Variants in GABBR2 observed in about 807,000 individuals in gnomAD.
GABBR2 encodes G-protein coupled receptor 51.
A neutral mutation model predicts 105.6 loss-of-function variants in GABBR2; 23 were observed. The observed-to-expected ratio is 0.22, with a 90% confidence interval of 0.16 to 0.31. GABBR2 has a LOEUF of 0.31. Among genes scored for constraint, GABBR2 ranks in the 10% least tolerant of loss-of-function variants. GABBR2 has a pLI of 1.00. For synonymous variants in GABBR2, 478 were observed against 499.7 expected, an observed-to-expected ratio of 0.96 and a Z score of 0.58; for missense variants, 734 against 1,245.5, an observed-to-expected ratio of 0.59 and a Z score of 6.18.
intron 1 of GABBR2, among the ~76,000 whole-genome samples, chr9:98,590,092 G>T (rs954176369): frequency 6.6e-6 from 1 of 152,182 alleles, no homozygotes; most frequent in Non-Finnish European, 1.5e-5. Flanking sequence ...CCCCAAACAG[G>T]TGTTTAATAC....
chr9:98,671,904 CAG>C (rs1830412525), intron 1 of GABBR2, among the ~76,000 whole-genome samples: 2 of 152,070 alleles, frequency 1.3e-5, no homozygotes, highest in Non-Finnish European at 2.9e-5. Context: ...TGGTAAAAAG[CAG>C]AGAGTTGGAG....
chr9:98,442,163 G>C (rs892774701), intron 7 of GABBR2, among the ~76,000 whole-genome samples: 5 of 152,266 alleles, frequency 3.3e-5, no homozygotes, highest in African/African-American at 7.2e-5. Flanking sequence ...CTCCCGATCA[G>C]GGGAAAGGTG....
intron 11 of GABBR2, among the ~76,000 whole-genome samples, chr9:98,375,750 C>T (rs181962035): frequency 6.6e-6 from 1 of 151,422 alleles, no homozygotes; most frequent in African/African-American, 2.4e-5. Flanking sequence ...GACTCCCCCC[C>T]TTCTCCCCCT....
intron 1 of GABBR2, among the ~76,000 whole-genome samples, chr9:98,636,638 T>G (rs1829881233): frequency 6.6e-6 from 1 of 151,892 alleles, no homozygotes; most frequent in Non-Finnish European, 1.5e-5. Flanking sequence ...GGACTACAGA[T>G]GCATGCTGCC....
At chr9:98,496,666 C>T in intron 3 of GABBR2, 152 bp from the exon 4 acceptor site, 2 of 625,966 alleles carry the variant, frequency 3.2e-6, no homozygotes, top group Non-Finnish European at 5.8e-6. Context: ...ATTAACTAGA[C>T]CGCCCCACAA....
Position 98,648,116 on chromosome 9 carries a change from T to TGTGTGTGTATAGATAG in GABBR2, c.321+60300_321+60301insCTATCTATACACACAC. Among the ~76,000 whole-genome samples the TGTGTGTGTATAGATAG allele has an allele frequency of 6.1e-3, 339 of 55,918 alleles. 2 individuals are homozygous for TGTGTGTGTATAGATAG. Among genetic ancestry groups the TGTGTGTGTATAGATAG allele is most frequent in the African/African-American group, 0.012 (168 of 14,574 alleles). The allele number at this position is 55,918 out of a possible 152,430, so 36.7% of individuals were successfully genotyped here. A position where few individuals can be genotyped will look rare whatever the true frequency, so the allele number is the denominator to read the frequency against. On this transcript the variant is annotated intron_variant, in intron 1 of 18. Coordinates refer to ENST00000259455, the MANE Select transcript of GABBR2 (RefSeq NM_005458.8). ...GTGTGTGTGTGTGTGTGTGTGTGTGTATAGATAGATAGATAGATAGATAGA... is the reference window on the plus strand; with the variant it reads ...GTGTGTGTGTGTGTGTGTGTGTGTGTGTGTGTGTATAGATAGATAGATAGATAGATAGATAGATAGA...
At chr9:98,601,629 A>G (rs1449489674) in intron 1 of GABBR2, among the ~76,000 whole-genome samples, 1 of 152,242 alleles carries the variant, frequency 6.6e-6, no homozygotes, top group Non-Finnish European at 1.5e-5. Flanking sequence ...GGAGGAGGGA[A>G]GGGAAGGCAC....
chr9:98,529,861 C>A (rs999955267), intron 3 of GABBR2, among the ~76,000 whole-genome samples: 6 of 152,200 alleles, frequency 3.9e-5, no homozygotes, highest in Non-Finnish European at 8.8e-5. Context: ...AACTTAGAGG[C>A]ATGCAGGGAT....
intron 2 of GABBR2, among the ~76,000 whole-genome samples, chr9:98,574,519 C>A (rs544129071): frequency 1.3e-5 from 2 of 152,314 alleles, no homozygotes; most frequent in South Asian, 2.1e-4. Context: ...TCCAGCTGGG[C>A]CCCAAACACC....
At chr9:98,480,581 C>G (rs1411775429) in intron 5 of GABBR2, among the ~76,000 whole-genome samples, 1 of 152,196 alleles carries the variant, frequency 6.6e-6, no homozygotes, top group Non-Finnish European at 1.5e-5. Flanking sequence ...TGTCCCTAAC[C>G]TAAGACTCTG....
chr9:98,561,590 T>C (rs1336203154), intron 2 of GABBR2, among the ~76,000 whole-genome samples: 2 of 152,060 alleles, frequency 1.3e-5, no homozygotes, highest in Non-Finnish European at 2.9e-5. Context: ...GGAATATAAT[T>C]AGAAAATGAG....
intron 3 of GABBR2, among the ~76,000 whole-genome samples, chr9:98,510,886 A>G (rs1298872153): frequency 6.6e-6 from 1 of 152,212 alleles, no homozygotes; most frequent in African/African-American, 2.4e-5. Context: ...ACTTGAACTC[A>G]GCTCTGCACC....
chr9:98,654,112 T>C (rs1830146018), intron 1 of GABBR2, among the ~76,000 whole-genome samples: 1 of 152,172 alleles, frequency 6.6e-6, no homozygotes, highest in Non-Finnish European at 1.5e-5. Context: ...TCACACAAAA[T>C]GTGTACAGAC....
intron 1 of GABBR2, among the ~76,000 whole-genome samples, chr9:98,646,532 C>T (rs1830030666): frequency 6.6e-6 from 1 of 152,150 alleles, no homozygotes; most frequent in African/African-American, 2.4e-5. Context: ...GCTGTGAGTA[C>T]AACTGGATGT....
chr9:98,675,694 C>T (rs1407399300), intron 1 of GABBR2, among the ~76,000 whole-genome samples: 3 of 152,246 alleles, frequency 2.0e-5, no homozygotes, highest in East Asian at 3.9e-4. Context: ...GCACTAGGGG[C>T]CTCCTCTTCA....
intron 3 of GABBR2, among the ~76,000 whole-genome samples, chr9:98,505,356 G>A (rs1428561369): frequency 6.6e-6 from 1 of 152,056 alleles, no homozygotes; most frequent in East Asian, 1.9e-4. Context: ...ATATGTATTA[G>A]ATCTGCTGCA....
In GABBR2 at chr9:98,560,659, G is replaced by C. The variant is rs562795585; in HGVS notation, c.459+17276C>G. Among the ~76,000 whole-genome samples, 60 of 151,156 alleles carry C rather than the reference G, an allele frequency of 4.0e-4. 1 individual carries two copies. The highest frequency in any genetic ancestry group is 1.3e-3 in the African/African-American group (54 of 41,326). On this transcript the variant is annotated intron_variant, in intron 2 of 18. Coordinates refer to ENST00000259455, the MANE Select transcript of GABBR2 (RefSeq NM_005458.8). ...TAAAAATATTTAAAACAAAGAAGTT[G>C]AAACAATAGCATGAGGAATACTTTC...
At chr9:98,528,506 A>C (rs1828004988) in intron 3 of GABBR2, among the ~76,000 whole-genome samples, 1 of 152,190 alleles carries the variant, frequency 6.6e-6, no homozygotes, top group Admixed American at 6.5e-5. Flanking sequence ...AGATCAACTA[A>C]TATCAAAAAC....
chr9:98,598,373 A>G (rs1260602629), intron 1 of GABBR2, among the ~76,000 whole-genome samples: 1 of 152,032 alleles, frequency 6.6e-6, no homozygotes, highest in African/African-American at 2.4e-5. Flanking sequence ...CATCCTCCAC[A>G]CTCTCTAGAA....
Sources: allele counts gnomAD v4.1 joint callset (sites outside exome capture counted in the v4.1 genomes callset), GRCh38; gene constraint gnomAD v4.1.1; transcripts MANE v1.5; gene names NCBI Gene and HGNC (gene_info 2026-07-23, HGNC 2026-07-21).